SCD5: variants seen among roughly 807,000 people sequenced by gnomAD.
SCD5 encodes acyl-CoA-desaturase 4.
SCD5 carries 20 observed loss-of-function variants against 30.4 expected under a neutral mutation model. The ratio of observed to expected loss-of-function variants is 0.66; its 90% CI spans 0.46 to 0.96. SCD5 has a LOEUF of 0.96. Among genes scored for constraint, SCD5 ranks in the 40% least tolerant of loss-of-function variants. The pLI is 0.00. For missense variants in SCD5, 381 were observed against 443.3 expected (o/e 0.86, Z 1.26); for synonymous variants, 173 against 176.4 (o/e 0.98, Z 0.16).
At chr4:82,681,218 G>A (rs1288444391) in intron 2 of SCD5, among the ~76,000 whole-genome samples, 1 of 152,114 alleles carries the variant, frequency 6.6e-6, no homozygotes, top group Non-Finnish European at 1.5e-5. Flanking sequence ...TGGTGGGGGC[G>A]ACTGAAGTCT....
intron 1 of SCD5, among the ~76,000 whole-genome samples, chr4:82,744,550 T>C (rs1289979853): frequency 1.3e-5 from 2 of 152,222 alleles, no homozygotes; most frequent in Non-Finnish European, 2.9e-5. Context: ...CCCAACTTCA[T>C]GCTGGCTGCC....
At chr4:82,759,613 T>C (rs1443811061) in intron 1 of SCD5, among the ~76,000 whole-genome samples, 1 of 147,614 alleles carries the variant, frequency 6.8e-6, no homozygotes, top group East Asian at 2.0e-4. Context: ...CAGGTGTTCC[T>C]GTCCAGCCTA....
intron 1 of SCD5, among the ~76,000 whole-genome samples, chr4:82,718,975 G>A (rs113288244): frequency 0.014 from 2,108 of 151,622 alleles, 24 homozygotes; most frequent in Non-Finnish European, 0.02. Flanking sequence ...CCACATGCCC[G>A]TTTCCTCCAG....
Position 82,734,180 on chromosome 4 carries a change from C to A in SCD5, c.233-28767G>T, listed in dbSNP as rs547381249. Among the ~76,000 whole-genome samples, 235 of 152,288 alleles carry A rather than the reference C, an allele frequency of 1.5e-3. 1 individual carries two copies. Among genetic ancestry groups the A allele is most frequent in the African/African-American group, 5.4e-3 (226 of 41,554 alleles). ...ACCAGAAGAAGGAAGCCGAAGGATGCAGAAATGTGGCACTGGCTTGATGAA... is the reference window on the plus strand; with the variant it reads ...ACCAGAAGAAGGAAGCCGAAGGATGAAGAAATGTGGCACTGGCTTGATGAA... On this transcript the variant is annotated intron_variant, in intron 1 of 4. Transcript: ENST00000319540.
chr4:82,652,577 A>G (rs11935974), intron 3 of SCD5, among the ~76,000 whole-genome samples: 19,571 of 152,156 alleles, frequency 0.13, 1,658 homozygotes, highest in African/African-American at 0.24. Flanking sequence ...CATAGAGATA[A>G]GGAAGAGGAA....
chr4:82,747,201 A>G (rs1328105311), intron 1 of SCD5, among the ~76,000 whole-genome samples: 2 of 152,184 alleles, frequency 1.3e-5, no homozygotes, highest in Non-Finnish European at 2.9e-5. Flanking sequence ...TACTATAAAT[A>G]TGTATATTGA....
At chr4:82,661,060 T>C in intron 3 of SCD5, 2 of 1,613,478 alleles carry the variant, frequency 1.2e-6, no homozygotes, top group Non-Finnish European at 1.7e-6. Context: ...TCTTCCTTCT[T>C]TCTGGATGTG....
At chr4:82,698,105 C>G in intron 2 of SCD5, 1 of 456,556 alleles carries the variant, frequency 2.2e-6, no homozygotes, top group Non-Finnish European at 4.4e-6. Flanking sequence ...AGGAGAAAAC[C>G]AACAACACCC....
At chr4:82,712,749 G>A (rs1720139306) in intron 1 of SCD5, among the ~76,000 whole-genome samples, 2 of 152,162 alleles carry the variant, frequency 1.3e-5, no homozygotes, top group South Asian at 2.1e-4. Context: ...ATGCGCACAT[G>A]TGTGTGTGTC....
intron 3 of SCD5, among the ~76,000 whole-genome samples, chr4:82,649,378 T>G (rs1727698580): frequency 6.6e-6 from 1 of 152,164 alleles, no homozygotes; most frequent in Non-Finnish European, 1.5e-5. Flanking sequence ...CAATCACCCC[T>G]AAAGAATTTG....
At chr4:82,657,107 T>C (rs1727881770) in intron 3 of SCD5, among the ~76,000 whole-genome samples, 1 of 152,234 alleles carries the variant, frequency 6.6e-6, no homozygotes, top group Non-Finnish European at 1.5e-5. Context: ...TTTAATTAGA[T>C]CCCATTTGTC....
intron 1 of SCD5, among the ~76,000 whole-genome samples, chr4:82,752,035 A>T (rs987068731): frequency 1.3e-5 from 2 of 152,198 alleles, no homozygotes; most frequent in African/African-American, 4.8e-5. Flanking sequence ...TGGATTGTGG[A>T]TTTTAGCAAG....
chr4:82,648,580 T>C (rs990787790), intron 3 of SCD5, among the ~76,000 whole-genome samples: 11 of 152,204 alleles, frequency 7.2e-5, no homozygotes, highest in Admixed American at 2.6e-4. Flanking sequence ...CTCGGTCTTG[T>C]CTGAGTCATT....
At chr4:82,698,048 C>G in intron 2 of SCD5, 1 of 456,668 alleles carries the variant, frequency 2.2e-6, no homozygotes, top group Non-Finnish European at 4.4e-6. Flanking sequence ...GAAAAGCTGT[C>G]AGGGCATCTG....
At position 82,798,584 on chromosome 4, in the gene SCD5, T is replaced by G; in HGVS notation, c.-47A>C. On this transcript the variant is annotated 5_prime_UTR_variant, in exon 1 of 5. Transcript: ENST00000319540. ...GCAGCAGCGGCAGGCAGGCAGGCGC[T>G]CTGCCCGAGCGGAGCTCGAGGGTGG... The G allele has an allele frequency of 6.7e-7, 1 of 1,499,898 alleles. No individual in the cohort carries two copies. Among genetic ancestry groups the G allele is most frequent in the Non-Finnish European group, 8.9e-7 (1 of 1,119,760 alleles). 92.9% of individuals were successfully genotyped at this position (1,499,898 alleles called of 1,614,324 possible). A position where few individuals can be genotyped will look rare whatever the true frequency, so the allele number is the denominator to read the frequency against.
chr4:82,704,320 C>T (rs1247305889), intron 2 of SCD5, among the ~76,000 whole-genome samples: 2 of 152,194 alleles, frequency 1.3e-5, no homozygotes, highest in Non-Finnish European at 2.9e-5. Context: ...GAGCACTTTT[C>T]GCAATCACCA....
intron 1 of SCD5, among the ~76,000 whole-genome samples, chr4:82,785,565 C>T (rs1437145112): frequency 6.6e-6 from 1 of 152,180 alleles, no homozygotes; most frequent in Non-Finnish European, 1.5e-5. Context: ...CTGGTTACCT[C>T]CCATGTATAC....
chr4:82,659,580 C>T (rs1354009276), intron 3 of SCD5, among the ~76,000 whole-genome samples: 3 of 152,058 alleles, frequency 2.0e-5, no homozygotes, highest in Admixed American at 6.6e-5. Context: ...GCCTTAATTT[C>T]GTTATTTACC....
intron 1 of SCD5, among the ~76,000 whole-genome samples, chr4:82,706,025 A>G (rs1719961558): frequency 6.6e-6 from 1 of 152,240 alleles, no homozygotes; most frequent in African/African-American, 2.4e-5. Flanking sequence ...ATCATTCCTT[A>G]CTTGAAAGGT....
Sources: gnomAD v4.1 joint callset for allele counts (sites outside exome capture counted in the v4.1 genomes callset) on GRCh38, gnomAD v4.1.1 for gene constraint, MANE v1.5 for transcripts, NCBI Gene and HGNC (gene_info 2026-07-23, HGNC 2026-07-21) for gene names.